Variants in DLGAP2 observed in about 807,000 individuals in gnomAD.
DLGAP2 encodes the protein DLG associated protein 2, also known as disks large-associated protein 2.
In DLGAP2, 26 loss-of-function variants were observed where a neutral mutation model predicts 100.3. The ratio of observed to expected loss-of-function variants is 0.26; its 90% CI spans 0.19 to 0.36. DLGAP2 has a LOEUF of 0.36. Among genes scored for constraint, DLGAP2 ranks in the 10% least tolerant of loss-of-function variants. The pLI is 1.00. For missense variants in DLGAP2, 1,858 were observed against 1,453.2 expected (o/e 1.28, Z -4.53); for synonymous variants, 886 against 630.1 (o/e 1.41, Z -6.08).
intron 1 of DLGAP2, among the ~76,000 whole-genome samples, chr8:794,010 G>A (rs948206147): frequency 6.6e-6 from 1 of 152,180 alleles, no homozygotes; most frequent in Non-Finnish European, 1.5e-5. Context: ...GGTGGGGGGT[G>A]TTTCTAGCTG....
intron 4 of DLGAP2, among the ~76,000 whole-genome samples, chr8:1,512,330 G>A (rs974025736): frequency 6.6e-6 from 1 of 152,232 alleles, no homozygotes; most frequent in African/African-American, 2.4e-5. Context: ...GATCAAAGTT[G>A]TTTATTTCAC....
At chr8:820,355 C>T (rs1179555078) in intron 1 of DLGAP2, among the ~76,000 whole-genome samples, 8 of 152,152 alleles carry the variant, frequency 5.3e-5, no homozygotes, top group Admixed American at 3.9e-4. Context: ...TGGACACATG[C>T]ATATGAAACC....
At chr8:1,042,938 G>C (rs1802401302) in intron 2 of DLGAP2, among the ~76,000 whole-genome samples, 1 of 141,740 alleles carries the variant, frequency 7.1e-6, no homozygotes, top group South Asian at 2.4e-4. Context: ...GGTGGATGTG[G>C]GTGGTGGATA....
intron 4 of DLGAP2, among the ~76,000 whole-genome samples, chr8:1,516,667 GTGACTGAGTGAA>G (rs1300247978): frequency 6.6e-6 from 1 of 151,840 alleles, no homozygotes; most frequent in Non-Finnish European, 1.5e-5. Flanking sequence ...GAATGAGTGG[GTGACTGAGTGAA>G]AGAGTGAGTG....
chr8:1,449,048 G>C (rs917000763), intron 3 of DLGAP2, among the ~76,000 whole-genome samples: 1 of 152,182 alleles, frequency 6.6e-6, no homozygotes, highest in African/African-American at 2.4e-5. Flanking sequence ...GGTCAGGGAC[G>C]GCACATCCCG....
intron 2 of DLGAP2, among the ~76,000 whole-genome samples, chr8:1,128,764 A>G (rs574400906): frequency 6.0e-4 from 92 of 152,332 alleles, no homozygotes; most frequent in African/African-American, 2.1e-3. Context: ...ACTTTTTATG[A>G]GGGTCCTAAA....
chr8:884,638 A>T (rs892557474), intron 1 of DLGAP2, among the ~76,000 whole-genome samples: 2 of 151,632 alleles, frequency 1.3e-5, no homozygotes, highest in Non-Finnish European at 2.9e-5. Context: ...TAGTTTAATT[A>T]GATCCCATTT....
chr8:1,182,860 C>T lies in DLGAP2; in HGVS notation c.74-75991C>T, dbSNP rs536128261. Among the ~76,000 whole-genome samples the T allele has an allele frequency of 4.6e-5, 7 of 152,276 alleles. No individual in the cohort carries two copies. The East Asian group carries it at 9.7e-4, about 21-fold the overall frequency. On this transcript the variant is annotated intron_variant, in intron 2 of 14. Transcript: ENST00000637795. ...GGACGGACTCCGCAGCCTGTGGGATCGGCAGCATCCAGTGAGGTGGAGCGG... is the reference window on the plus strand; with the variant it reads ...GGACGGACTCCGCAGCCTGTGGGATTGGCAGCATCCAGTGAGGTGGAGCGG...
intron 2 of DLGAP2, among the ~76,000 whole-genome samples, chr8:1,055,864 A>G (rs1372320676): frequency 6.6e-6 from 1 of 152,224 alleles, no homozygotes; most frequent in Admixed American, 6.5e-5. Context: ...ATTTGGGCAC[A>G]ATATTTAATC....
At chr8:845,621 C>T (rs1390513493) in intron 1 of DLGAP2, among the ~76,000 whole-genome samples, 1 of 152,180 alleles carries the variant, frequency 6.6e-6, no homozygotes, top group Non-Finnish European at 1.5e-5. Flanking sequence ...TTTTCACCTT[C>T]ACTTTTCTTG....
At chr8:1,647,989 G>A (rs1039306193) in intron 8 of DLGAP2, among the ~76,000 whole-genome samples, 2 of 152,154 alleles carry the variant, frequency 1.3e-5, no homozygotes, top group Admixed American at 6.5e-5. Context: ...ACAAACCCAC[G>A]GTCACAGACG....
chr8:1,128,526 G>T (rs926779858), intron 2 of DLGAP2, among the ~76,000 whole-genome samples: 1 of 152,212 alleles, frequency 6.6e-6, no homozygotes, highest in African/African-American at 2.4e-5. Flanking sequence ...TGCTGTGTGG[G>T]TGTGTAGCCC....
chr8:1,655,110 G>A (rs1375876188), intron 8 of DLGAP2, among the ~76,000 whole-genome samples: 3 of 152,314 alleles, frequency 2.0e-5, no homozygotes, highest in African/African-American at 7.2e-5. Flanking sequence ...CATCTTTGCT[G>A]CTAGCCTATC....
At chr8:1,650,868 G>A (rs1202843960) in intron 8 of DLGAP2, among the ~76,000 whole-genome samples, 1 of 139,802 alleles carries the variant, frequency 7.2e-6, no homozygotes, top group Non-Finnish European at 1.5e-5. Context: ...CAGAAGCTTG[G>A]GTGACAGTTG....
chr8:745,391 A>G (rs1820593143), intron 1 of DLGAP2, among the ~76,000 whole-genome samples: 1 of 152,236 alleles, frequency 6.6e-6, no homozygotes, highest in Non-Finnish European at 1.5e-5. Flanking sequence ...TGTCACTATA[A>G]TTAGATTCAA....
intron 3 of DLGAP2, among the ~76,000 whole-genome samples, chr8:1,268,336 A>G (rs574702542): frequency 2.0e-5 from 3 of 152,346 alleles, no homozygotes; most frequent in East Asian, 3.9e-4. Flanking sequence ...TTTGAAGCAT[A>G]TTTGGGAGAT....
At chr8:1,526,716 C>G (rs1213623028) in intron 4 of DLGAP2, among the ~76,000 whole-genome samples, 12 of 152,192 alleles carry the variant, frequency 7.9e-5, no homozygotes, top group African/African-American at 2.7e-4. Context: ...GGTATCCAGC[C>G]ACTAACTCCA....
intron 8 of DLGAP2, among the ~76,000 whole-genome samples, chr8:1,654,185 A>C (rs931859655): frequency 2.6e-5 from 4 of 152,222 alleles, no homozygotes; most frequent in Admixed American, 2.0e-4. Context: ...GTGTACGCAC[A>C]TGCACATATG....
chr8:1,416,026 G>T (rs181004030), intron 3 of DLGAP2, among the ~76,000 whole-genome samples: 7 of 152,316 alleles, frequency 4.6e-5, no homozygotes, highest in African/African-American at 1.2e-4. Context: ...CTGCCAATGG[G>T]AAGCAGGTGG....
Sources: gnomAD v4.1 joint callset for allele counts (sites outside exome capture counted in the v4.1 genomes callset) on GRCh38, gnomAD v4.1.1 for gene constraint, MANE v1.5 for transcripts, NCBI Gene and HGNC (gene_info 2026-07-23, HGNC 2026-07-21) for gene names.